Variants in ADGRA2 observed in about 807,000 individuals in gnomAD.
ADGRA2 encodes the protein adhesion G protein-coupled receptor A2.
In ADGRA2, 61 loss-of-function variants were observed where a neutral mutation model predicts 98.7. That is an observed-to-expected ratio of 0.62 (90% CI 0.50 to 0.76). The LOEUF (loss-of-function observed/expected upper bound fraction) is 0.76, where lower values mean the gene tolerates loss of function less well. Among genes scored for constraint, ADGRA2 ranks in the 30% least tolerant of loss-of-function variants. The pLI is 0.00. For synonymous variants in ADGRA2, 858 were observed against 831.5 expected, an observed-to-expected ratio of 1.03 and a Z score of -0.55; for missense variants, 1,712 against 1,860.0, an observed-to-expected ratio of 0.92 and a Z score of 1.46.
At chr8:37,827,654 A>G (rs763194549) in intron 2 of ADGRA2, among the ~76,000 whole-genome samples, 2 of 152,212 alleles carry the variant, frequency 1.3e-5, no homozygotes, top group Non-Finnish European at 2.9e-5. Flanking sequence ...TGGAGAAGAC[A>G]GGACTGAGGA....
intron 2 of ADGRA2, among the ~76,000 whole-genome samples, chr8:37,822,563 A>G (rs1805157944): frequency 1.3e-5 from 2 of 152,218 alleles, no homozygotes; most frequent in African/African-American, 4.8e-5. Flanking sequence ...TAATTTTAGA[A>G]CATTTTCATC....
In ADGRA2 at chr8:37,797,930, G is replaced by A. The variant is rs1343356075; in HGVS notation, c.266+396G>A. 6.6e-6 allele frequency among the ~76,000 whole-genome samples: 1 copy of A among 152,232 alleles called. No individual in the cohort carries two copies. The highest frequency in any genetic ancestry group is 2.4e-5 in the African/African-American group (1 of 41,472). On this transcript the variant is annotated intron_variant, in intron 1 of 18. Coordinates refer to ENST00000412232, the MANE Select transcript of ADGRA2 (RefSeq NM_032777.10). This position sits in a 1 kb window ranked among gnomAD's most constrained non-coding sequence, Gnocchi z 5.3. ...AAGATCGACGCTCGTGGCCCAGGAG[G>A]GGGCTGTGGTCCTAACCACTACGGT...
intron 2 of ADGRA2, among the ~76,000 whole-genome samples, chr8:37,820,542 G>C (rs189975382): frequency 4.6e-5 from 7 of 152,356 alleles, no homozygotes; most frequent in African/African-American, 9.6e-5. Context: ...TGGTGCTCAG[G>C]AAACACTGAT....
At chr8:37,806,531 T>C (rs1585967227) in intron 1 of ADGRA2, among the ~76,000 whole-genome samples, 3 of 132,468 alleles carry the variant, frequency 2.3e-5, no homozygotes, top group Admixed American at 7.1e-5. Flanking sequence ...TTTTTCTTTT[T>C]TTTTTTTTTT....
At position 37,837,936 on chromosome 8, in the gene ADGRA2, C is replaced by G; in HGVS notation, c.2256C>G (p.Leu752=). ...AGCACTTGGGCAATGTGGCCGTGCT[C>G]ATGGTGGGTGTGAGGAGGGGTGACA... ...HCQHLGNVAV[L]MELSAFPREV... Residue 752 remains leucine (L), a synonymous_variant, in exon 14 of 19, where the codon CTC becomes CTG. Coordinates refer to ENST00000412232, the MANE Select transcript of ADGRA2 (RefSeq NM_032777.10). 6.9e-7 allele frequency: 1 copy of G among 1,458,348 alleles called. No homozygotes were observed. The highest frequency in any genetic ancestry group is 9.1e-7 in the Non-Finnish European group (1 of 1,104,178). The allele number at this position is 1,458,348 out of a possible 1,614,324, so 90.3% of individuals were successfully genotyped here.
chr8:37,843,769 CCA>C lies in ADGRA2; in HGVS notation c.*1417_*1418del, dbSNP rs1805889622. ...AAAAAAAAAGCTTTGTATTATTCTT[CCA>C]CATATGCTGGCTGCTGTTTACACAC... is the stretch of plus-strand genomic sequence containing the variant. On this transcript the variant is annotated 3_prime_UTR_variant, in exon 19 of 19. Coordinates refer to ENST00000412232, the MANE Select transcript of ADGRA2 (RefSeq NM_032777.10). 6.6e-6 allele frequency: 1 copy of C among 152,522 alleles called. No homozygotes were observed. The highest frequency in any genetic ancestry group is 1.5e-5 in the Non-Finnish European group (1 of 68,032). 9.4% of individuals were successfully genotyped at this position (152,522 alleles called of 1,614,324 possible).
chr8:37,843,980 T>TA lies in ADGRA2; in HGVS notation c.*1626dup. 8 of 155,724 alleles carry TA rather than the reference T, an allele frequency of 5.1e-5. 1 individual carries two copies. In the South Asian group the frequency reaches 1.6e-3, roughly 31 times the overall value. The allele number at this position is 155,724 out of a possible 1,614,324, so 9.6% of individuals were successfully genotyped here. ...TGCAAAGCCCTTTGAGCTACTGCCT[T>TA]AGTCTACCCACTGTCCTTTTGTTAT... On this transcript the variant is annotated 3_prime_UTR_variant, in exon 19 of 19. Transcript: ENST00000412232.
At position 37,840,284 on chromosome 8, in the gene ADGRA2, CA is replaced by C; in HGVS notation, c.2657+19del. On this transcript the variant is annotated intron_variant, in intron 17 of 18. Coordinates refer to ENST00000412232, the MANE Select transcript of ADGRA2 (RefSeq NM_032777.10). ...ATGCTCCGGTACATACTTTCAATTC[CA>C]GCTTTGCAATTGGGGAGGGACTCCA... The C allele has an allele frequency of 6.2e-7, 1 of 1,609,864 alleles. No homozygotes were observed. The highest frequency in any genetic ancestry group is 2.2e-5 in the East Asian group (1 of 44,884).
chr8:37,830,627 C>CCCA lies in ADGRA2; in HGVS notation c.719-82_719-80dup. 3 of 707,976 alleles carry CCCA rather than the reference C, an allele frequency of 4.2e-6. No individual in the cohort carries two copies. Among genetic ancestry groups the CCCA allele is most frequent in the East Asian group, 2.8e-5 (1 of 36,136 alleles). The allele number at this position is 707,976 out of a possible 1,614,324, so 43.9% of individuals were successfully genotyped here. A position where few individuals can be genotyped will look rare whatever the true frequency, so the allele number is the denominator to read the frequency against. ...GGCCGAGGGCCCCGCCCCGCCCCAC[C>CCCA]CCATCCTGCTGGACTCTCGCTCACA... On this transcript the variant is annotated intron_variant, in intron 6 of 18. Coordinates refer to ENST00000412232, the MANE Select transcript of ADGRA2 (RefSeq NM_032777.10). This position sits in a 1 kb window ranked among gnomAD's most constrained non-coding sequence, Gnocchi z 4.8.
chr8:37,841,140 G>T lies in ADGRA2; in HGVS notation c.2802G>T (p.Leu934Phe). The T allele has an allele frequency of 1.2e-6, 2 of 1,611,018 alleles. No homozygotes were observed. Among genetic ancestry groups the T allele is most frequent in the Non-Finnish European group, 1.7e-6 (2 of 1,179,398 alleles). The change falls in exon 19 of 19, where the codon TTG (leucine) becomes TTT (phenylalanine). Residue 934 changes from leucine (L) to phenylalanine (F), a missense_variant. Coordinates refer to ENST00000412232, the MANE Select transcript of ADGRA2 (RefSeq NM_032777.10). The surrounding 1 kb of genome is among the most constrained non-coding windows in gnomAD (Gnocchi z 5.0). ...SLGAFYIPVA[L>F]ILLITWIYFL... ...GCGCCTTCTACATCCCTGTGGCTTT[G>T]ATTCTGCTCATCACCTGGATCTATT...
Position 37,835,609 on chromosome 8 carries a change from C to G in ADGRA2, c.1889C>G (p.Pro630Arg). Residue 630 changes from proline to arginine, a missense_variant, in exon 13 of 19, where the codon CCG becomes CGG. Transcript: ENST00000412232. Reference protein sequence around the residue: ...QLPPSLFSSLPAALAPPVPPD... With the variant: ...QLPPSLFSSLRAALAPPVPPD... ...CCCCCGAGTCTATTCTCATCCCTTC[C>G]GGCTGCCCTGGCTCCCCCGGTGCCC... is the stretch of plus-strand genomic sequence containing the variant. The G allele has an allele frequency of 6.2e-7, 1 of 1,613,806 alleles. No individual in the cohort carries two copies. The highest frequency in any genetic ancestry group is 8.5e-7 in the Non-Finnish European group (1 of 1,179,754).
At chr8:37,805,455 CG>C (rs1279391175) in intron 1 of ADGRA2, among the ~76,000 whole-genome samples, 3 of 152,134 alleles carry the variant, frequency 2.0e-5, no homozygotes, top group African/African-American at 2.4e-5. Context: ...AAGAGGTCTG[CG>C]CCGCGTGTGT....
chr8:37,810,367 G>T (rs1288751053), intron 1 of ADGRA2, among the ~76,000 whole-genome samples: 1 of 151,884 alleles, frequency 6.6e-6, no homozygotes, highest in Non-Finnish European at 1.5e-5. Context: ...AAATTAGCTG[G>T]GTGTGGTGGC....
chr8:37,821,741 C>T lies in ADGRA2; in HGVS notation c.338+6774C>T, dbSNP rs185025786. Among the ~76,000 whole-genome samples the T allele has an allele frequency of 3.6e-3, 554 of 152,318 alleles. 4 individuals carry two copies. Among genetic ancestry groups the T allele is most frequent in the Middle Eastern group, 0.014 (4 of 292 alleles). ...AGTCTGGGAAGGGGAGCCCGGTCAG[C>T]CCCGGGATGATTTGTCATTACTTAA... On this transcript the variant is annotated intron_variant, in intron 2 of 18. Coordinates refer to ENST00000412232, the MANE Select transcript of ADGRA2 (RefSeq NM_032777.10).
intron 1 of ADGRA2, among the ~76,000 whole-genome samples, chr8:37,813,706 A>C (rs1007717935): frequency 2.6e-5 from 4 of 152,104 alleles, no homozygotes; most frequent in Non-Finnish European, 1.5e-5. Context: ...TCGCCCTAGA[A>C]AGCCCCTTCA....
intron 1 of ADGRA2, among the ~76,000 whole-genome samples, chr8:37,807,194 C>T (rs1804696422): frequency 6.6e-6 from 1 of 152,174 alleles, no homozygotes; most frequent in Non-Finnish European, 1.5e-5. Flanking sequence ...GGAAGGGTGG[C>T]AGGGAAGTGC....
At chr8:37,828,254 C>T (rs527567281) in intron 2 of ADGRA2, among the ~76,000 whole-genome samples, 1 of 152,288 alleles carries the variant, frequency 6.6e-6, no homozygotes, top group East Asian at 1.9e-4. Context: ...CACCATGACA[C>T]CTATTTTCAA....
At chr8:37,805,524 G>T (rs1358921267) in intron 1 of ADGRA2, among the ~76,000 whole-genome samples, 1 of 151,882 alleles carries the variant, frequency 6.6e-6, no homozygotes, top group East Asian at 1.9e-4. Flanking sequence ...ATCACTTGAG[G>T]CCAGGGGTTC....
intron 8 of ADGRA2, among the ~76,000 whole-genome samples, chr8:37,832,784 T>A (rs1805492624): frequency 6.6e-6 from 1 of 152,034 alleles, no homozygotes; most frequent in Admixed American, 6.6e-5. Context: ...GTGGCAGAAC[T>A]TGAATTTAAA....
Sources: gnomAD v4.1 joint callset for allele counts (sites outside exome capture counted in the v4.1 genomes callset) on GRCh38, gnomAD v4.1.1 for gene constraint, Gnocchi (gnomAD v3.1) non-coding constraint, MANE v1.5 for transcripts, NCBI Gene and HGNC (gene_info 2026-07-23, HGNC 2026-07-21) for gene names.